Variants in DLGAP1 observed in about 807,000 individuals in gnomAD.
DLGAP1 encodes the protein DLG associated protein 1, also known as disks large-associated protein 1.
Under a neutral mutation model 90.8 loss-of-function variants are expected in DLGAP1, and 11 were observed. That is an observed-to-expected ratio of 0.12 (90% confidence interval 0.08 to 0.20). DLGAP1 has a LOEUF of 0.20. DLGAP1 is among the 10% of genes least tolerant of loss of function. DLGAP1 has a pLI of 1.00. For missense variants in DLGAP1, 1,050 were observed against 1,333.8 expected, an observed-to-expected ratio of 0.79 and a Z score of 3.31; for synonymous variants, 558 against 540.7, an observed-to-expected ratio of 1.03 and a Z score of -0.44.
intron 4 of DLGAP1, among the ~76,000 whole-genome samples, chr18:3,856,639 A>T (rs1317837173): frequency 2.6e-5 from 4 of 152,192 alleles, no homozygotes; most frequent in Non-Finnish European, 2.9e-5. Flanking sequence ...AAGCGGGCAG[A>T]TCACGAGGTC....
At chr18:3,651,879 G>T (rs1380554194) in intron 7 of DLGAP1, among the ~76,000 whole-genome samples, 2 of 152,118 alleles carry the variant, frequency 1.3e-5, no homozygotes, top group Non-Finnish European at 2.9e-5. Flanking sequence ...GCTGAGGCAG[G>T]AGAATCACTT....
intron 1 of DLGAP1, among the ~76,000 whole-genome samples, chr18:4,219,573 C>T (rs900505037): frequency 1.3e-5 from 2 of 151,940 alleles, no homozygotes; most frequent in Non-Finnish European, 2.9e-5. Flanking sequence ...ACGGAGATTT[C>T]CATTATGTGT....
intron 3 of DLGAP1, among the ~76,000 whole-genome samples, chr18:3,897,613 T>C (rs2148872391): frequency 6.6e-6 from 1 of 152,304 alleles, no homozygotes. Flanking sequence ...AACTGCCTTC[T>C]GTAAGCAATC....
chr18:4,428,024 T>A lies in DLGAP1; in HGVS notation c.-267+26982A>T, dbSNP rs573541520. ...ATTTCACTTAACTTTGGGCACTCACTGGATCTTTACCAAAAGATGTTCCAC... is the reference window on the plus strand; with the variant it reads ...ATTTCACTTAACTTTGGGCACTCACAGGATCTTTACCAAAAGATGTTCCAC... On this transcript the variant is annotated intron_variant, in intron 1 of 12. Coordinates refer to ENST00000315677, the MANE Select transcript of DLGAP1 (RefSeq NM_004746.4). Among the ~76,000 whole-genome samples, 4 of 152,354 alleles carry A rather than the reference T, an allele frequency of 2.6e-5. No homozygotes were observed. The South Asian group carries it at 8.3e-4, about 32-fold the overall frequency.
chr18:4,242,060 C>T (rs1245055642), intron 1 of DLGAP1, among the ~76,000 whole-genome samples: 1 of 152,056 alleles, frequency 6.6e-6, no homozygotes, highest in African/African-American at 2.4e-5. Context: ...ATCATGAAAA[C>T]CATCAGGCGC....
intron 7 of DLGAP1, among the ~76,000 whole-genome samples, chr18:3,668,623 C>G (rs541249242): frequency 2.6e-5 from 4 of 152,186 alleles, no homozygotes; most frequent in Non-Finnish European, 5.9e-5. Context: ...TCTGCTCAGG[C>G]CTTCAAAACA....
At chr18:4,192,847 T>C (rs1033798423) in intron 1 of DLGAP1, among the ~76,000 whole-genome samples, 1 of 152,186 alleles carries the variant, frequency 6.6e-6, no homozygotes, top group Non-Finnish European at 1.5e-5. Context: ...GGATATGTTC[T>C]GGATACAGGG....
At chr18:4,180,993 GA>G (rs5822799) in intron 1 of DLGAP1, among the ~76,000 whole-genome samples, 62,145 of 151,914 alleles carry the variant, frequency 0.41, 13,329 homozygotes, top group East Asian at 0.68. Flanking sequence ...AATGGACAGA[GA>G]TACTGATGGG....
intron 7 of DLGAP1, among the ~76,000 whole-genome samples, chr18:3,656,962 G>A (rs897058514): frequency 2.0e-5 from 3 of 151,918 alleles, no homozygotes; most frequent in Admixed American, 1.3e-4. Context: ...TAGTCAGGAT[G>A]GTCTCGATCT....
At chr18:3,834,507 C>T (rs973300305) in intron 4 of DLGAP1, among the ~76,000 whole-genome samples, 1 of 151,856 alleles carries the variant, frequency 6.6e-6, no homozygotes, top group Non-Finnish European at 1.5e-5. Flanking sequence ...CCTGTGTTCC[C>T]GGTGTCTGGA....
chr18:4,300,504 A>G (rs923074944), intron 1 of DLGAP1, among the ~76,000 whole-genome samples: 2 of 152,174 alleles, frequency 1.3e-5, no homozygotes, highest in Admixed American at 1.3e-4. Context: ...TGATTTTACA[A>G]TTAAAAAAAC....
chr18:4,122,478 G>A (rs891694051), intron 2 of DLGAP1, among the ~76,000 whole-genome samples: 1 of 152,136 alleles, frequency 6.6e-6, no homozygotes, highest in Non-Finnish European at 1.5e-5. Flanking sequence ...TGAAGCTATT[G>A]TTCCAGAACA....
At chr18:3,700,672 T>C (rs978185141) in intron 7 of DLGAP1, among the ~76,000 whole-genome samples, 13 of 151,052 alleles carry the variant, frequency 8.6e-5, no homozygotes, top group Non-Finnish European at 1.8e-4. Flanking sequence ...TGCAGTGGTG[T>C]GATCTCAGCT....
chr18:3,606,484 A>G (rs529542676), intron 7 of DLGAP1: 24 of 152,226 alleles, frequency 1.6e-4, no homozygotes, highest in Non-Finnish European at 2.8e-4. Context: ...GTTGTACTTC[A>G]TAAGCCATCA....
intron 11 of DLGAP1, 47 bp from the exon 12 acceptor site, chr18:3,502,692 A>G (rs2050000819): frequency 6.3e-7 from 1 of 1,578,688 alleles, no homozygotes; most frequent in African/African-American, 1.4e-5. Context: ...GCAATTCTTG[A>G]CAAGCACAGG....
chr18:4,061,157 G>C (rs1267553579), intron 2 of DLGAP1, among the ~76,000 whole-genome samples: 2 of 152,132 alleles, frequency 1.3e-5, no homozygotes, highest in Admixed American at 6.5e-5. Flanking sequence ...AAAAGTAAAA[G>C]TTGCCAAGAG....
intron 1 of DLGAP1, among the ~76,000 whole-genome samples, chr18:4,333,651 G>A (rs1480663463): frequency 6.9e-6 from 1 of 145,256 alleles, no homozygotes; most frequent in Non-Finnish European, 1.5e-5. Flanking sequence ...ACAGAGTCTC[G>A]CTCTGTCACC....
chr18:3,678,497 T>C (rs1490429383), intron 7 of DLGAP1, among the ~76,000 whole-genome samples: 1 of 152,184 alleles, frequency 6.6e-6, no homozygotes, highest in Non-Finnish European at 1.5e-5. Context: ...AATATGATCG[T>C]TGTTTTTGTG....
At chr18:4,395,214 A>G (rs763445928) in intron 1 of DLGAP1, among the ~76,000 whole-genome samples, 2 of 152,240 alleles carry the variant, frequency 1.3e-5, no homozygotes, top group Admixed American at 1.3e-4. Context: ...CTATTGACAT[A>G]CAAAAGAAAA....
Sources: gnomAD v4.1 joint callset for allele counts (sites outside exome capture counted in the v4.1 genomes callset) on GRCh38, gnomAD v4.1.1 for gene constraint, MANE v1.5 for transcripts, NCBI Gene and HGNC (gene_info 2026-07-23, HGNC 2026-07-21) for gene names.